RNF10: variants seen among roughly 807,000 people sequenced by gnomAD.
RNF10 encodes E3 ubiquitin-protein ligase RNF10.
RNF10 carries 38 observed loss-of-function variants against 91.4 expected under a neutral mutation model. The observed-to-expected ratio is 0.42, with a 90% CI of 0.32 to 0.54. The LOEUF (loss-of-function observed/expected upper bound fraction) is 0.54, where lower values mean the gene tolerates loss of function less well. RNF10 is among the 20% of genes least tolerant of loss of function. RNF10 has a pLI of 0.16. For missense variants in RNF10, 945 were observed against 1,012.0 expected (o/e 0.93, Z 0.90); for synonymous variants, 364 against 366.3 (o/e 0.99, Z 0.07).
chr12:120,561,051 A>G lies in RNF10; in HGVS notation c.1128+165A>G, dbSNP rs144944835. 1.1e-4 allele frequency among the ~76,000 whole-genome samples: 17 copies of G among 152,332 alleles called. No homozygotes were observed. In the East Asian group the frequency reaches 3.1e-3, roughly 28 times the overall value. ...AAGACAATAAGCAGAGAATGGCTAA[A>G]AAAGCCAATTTGTTTTGGGCTTTGT... On this transcript the variant is annotated intron_variant, in intron 7 of 16. Coordinates refer to ENST00000325954, the MANE Select transcript of RNF10 (RefSeq NM_014868.5).
intron 13 of RNF10, among the ~76,000 whole-genome samples, chr12:120,567,396 T>C (rs1875916433): frequency 6.6e-6 from 1 of 151,696 alleles, no homozygotes; most frequent in Admixed American, 6.6e-5. Flanking sequence ...ATAGTATTTA[T>C]ACTGTAAAAT....
chr12:120,569,735 G>A (rs972514523), intron 13 of RNF10, among the ~76,000 whole-genome samples: 3 of 151,182 alleles, frequency 2.0e-5, no homozygotes, highest in Admixed American at 6.6e-5. Flanking sequence ...ATGGGGTTTC[G>A]CCATGTTGGC....
rs1478254340 is a variant in RNF10, at chr12:120,557,302, G to A, written c.666G>A (p.Val222=). The A allele has an allele frequency of 6.2e-7, 1 of 1,613,932 alleles. No homozygotes were observed. The highest frequency in any genetic ancestry group is 2.2e-5 in the East Asian group (1 of 44,890). ...TTCAGCGCATTTGTAGCCATGAAGT[G>A]CCATCTTGCCCAATATGCCTCTATC... ...VEQVRICSHE[V]PSCPICLYPP... Residue 222 remains valine (V), a synonymous_variant, in exon 5 of 17, where the codon GTG becomes GTA. Transcript: ENST00000325954.
chr12:120,551,671 T>A (rs1873110593), intron 2 of RNF10, among the ~76,000 whole-genome samples: 1 of 152,094 alleles, frequency 6.6e-6, no homozygotes, highest in Non-Finnish European at 1.5e-5. Context: ...TTGCCCAGGC[T>A]GGAGTGCAGT....
chr12:120,575,177 A>C (rs553036797), intron 14 of RNF10: 1 of 164,288 alleles, frequency 6.1e-6, no homozygotes, highest in East Asian at 1.8e-4. Context: ...CACAGGTCAC[A>C]GTGAGCCAAT....
chr12:120,562,271 CTTTTTTTT>C (rs71076634), intron 7 of RNF10, among the ~76,000 whole-genome samples: 1 of 100,104 alleles, frequency 1.0e-5, no homozygotes, highest in African/African-American at 3.8e-5. Context: ...TTCTTTCTTT[CTTTTTTTT>C]TTTTTTTTTT....
chr12:120,566,797 G>A (rs1169629928), intron 12 of RNF10, 28 bp from the exon 13 acceptor site: 9 of 1,587,518 alleles, frequency 5.7e-6, no homozygotes, highest in African/African-American at 1.4e-5. Flanking sequence ...CTGTAAATGG[G>A]TTTACAAGGG....
chr12:120,557,397 C>T lies in RNF10; in HGVS notation c.761C>T (p.Ser254Leu), dbSNP rs1874201391. ...TGGGCATGCATCCTGCACTATCTTT[C>T]ACTGAGTGAGAAGACGTGGAGTAAA... ...FCWACILHYL[S>L]LSEKTWSKCP... The change falls in exon 5 of 17, where the codon TCA becomes TTA. Residue 254 changes from serine to leucine, a missense_variant. Transcript: ENST00000325954. 6.2e-7 allele frequency: 1 copy of T among 1,614,070 alleles called. No individual in the cohort carries two copies. The highest frequency in any genetic ancestry group is 1.3e-5 in the African/African-American group (1 of 74,938).
intron 13 of RNF10, chr12:120,570,180 C>G (rs1876417343): frequency 6.9e-6 from 1 of 144,368 alleles, no homozygotes; most frequent in African/African-American, 2.5e-5. Flanking sequence ...CCACCACACC[C>G]AGCCTTTTTT....
At chr12:120,575,766 A>G (rs745364827) in intron 15 of RNF10, 26 bp from the exon 16 acceptor site, 41 of 1,613,938 alleles carry the variant, frequency 2.5e-5, no homozygotes, top group South Asian at 5.5e-5. Context: ...AGTTGTTTCT[A>G]TAGTTTTAAC....
chr12:120,542,006 A>G (rs746792671), intron 1 of RNF10, among the ~76,000 whole-genome samples: 23 of 151,152 alleles, frequency 1.5e-4, no homozygotes, highest in Non-Finnish European at 2.2e-4. Flanking sequence ...AGCTGGGACT[A>G]CAGGCTCCCG....
At chr12:120,539,346 CCT>C in intron 1 of RNF10, 4 of 1,185,474 alleles carry the variant, frequency 3.4e-6, no homozygotes, top group Non-Finnish European at 4.5e-6. Flanking sequence ...CCTGATACCA[CCT>C]CTCTCTTCCT....
chr12:120,561,362 T>C (rs1334494534), intron 7 of RNF10, among the ~76,000 whole-genome samples: 1 of 152,226 alleles, frequency 6.6e-6, no homozygotes, highest in Non-Finnish European at 1.5e-5. Flanking sequence ...CTGGGTCTTT[T>C]ATCTTCCACA....
intron 6 of RNF10, among the ~76,000 whole-genome samples, chr12:120,559,422 G>T (rs1269256684): frequency 6.6e-6 from 1 of 151,198 alleles, no homozygotes; most frequent in Non-Finnish European, 1.5e-5. Context: ...GTCTCACTCT[G>T]TTGCCAGGCT....
chr12:120,562,157 C>T (rs1874925081), intron 7 of RNF10, among the ~76,000 whole-genome samples: 1 of 152,074 alleles, frequency 6.6e-6, no homozygotes, highest in African/African-American at 2.4e-5. Flanking sequence ...CCACTCTCCA[C>T]CCTCTGATAG....
chr12:120,555,797 C>G (rs117054838), intron 4 of RNF10, among the ~76,000 whole-genome samples: 6,845 of 145,192 alleles, frequency 0.047, 258 homozygotes, highest in South Asian at 0.1. Flanking sequence ...TACCTGGCCT[C>G]TTTTTTTTTT....
intron 1 of RNF10, among the ~76,000 whole-genome samples, chr12:120,546,022 T>G (rs966354726): frequency 2.0e-5 from 3 of 152,248 alleles, no homozygotes; most frequent in Admixed American, 2.0e-4. Flanking sequence ...AAAAGGAATC[T>G]CTTCTGTCCT....
intron 10 of RNF10, 120 bp from the exon 11 acceptor site, chr12:120,564,952 A>G: frequency 1.4e-6 from 1 of 708,656 alleles, no homozygotes; most frequent in Non-Finnish European, 2.6e-6. Flanking sequence ...ATTGAGCACT[A>G]CTGTTTCCAG....
intron 1 of RNF10, 93 bp from the exon 2 acceptor site, chr12:120,546,312 A>C: frequency 8.4e-7 from 1 of 1,183,558 alleles, no homozygotes; most frequent in Non-Finnish European, 1.2e-6. Context: ...CAAAGGGCCT[A>C]TTCACCCTTA....
Sources: gnomAD v4.1 joint callset for allele counts (sites outside exome capture counted in the v4.1 genomes callset) on GRCh38, gnomAD v4.1.1 for gene constraint, MANE v1.5 for transcripts, NCBI Gene and HGNC (gene_info 2026-07-23, HGNC 2026-07-21) for gene names.